Variants in NEDD4L observed in about 807,000 individuals in gnomAD.
NEDD4L encodes the protein NEDD4 like E3 ubiquitin protein ligase, also known as E3 ubiquitin-protein ligase NEDD4-like.
NEDD4L carries 54 observed loss-of-function variants against 148.9 expected under a neutral mutation model. The observed-to-expected ratio is 0.36, with a 90% CI of 0.29 to 0.45. NEDD4L has a LOEUF of 0.45. Ranked by LOEUF, NEDD4L falls within the 20% of genes least tolerant of loss-of-function variation. The pLI is 1.00. For missense variants in NEDD4L, 856 were observed against 1,233.8 expected, an observed-to-expected ratio of 0.69 and a Z score of 4.59; for synonymous variants, 433 against 440.7, an observed-to-expected ratio of 0.98 and a Z score of 0.22.
chr18:58,084,542 A>G (rs1230378883), intron 1 of NEDD4L, among the ~76,000 whole-genome samples: 4 of 152,098 alleles, frequency 2.6e-5, no homozygotes, highest in Non-Finnish European at 4.4e-5. Context: ...GTAACCATTT[A>G]TTTTCTCACA....
intron 30 of NEDD4L, among the ~76,000 whole-genome samples, chr18:58,395,148 A>G (rs2050321504): frequency 6.6e-6 from 1 of 152,200 alleles, no homozygotes; most frequent in Non-Finnish European, 1.5e-5. Flanking sequence ...TGAGCACTCC[A>G]TGAACATGAG....
chr18:58,260,938 T>C (rs1345494079), intron 5 of NEDD4L, among the ~76,000 whole-genome samples: 1 of 152,174 alleles, frequency 6.6e-6, no homozygotes, highest in Non-Finnish European at 1.5e-5. Context: ...GATAAAAATG[T>C]CCAGCTCGTA....
chr18:58,344,931 G>A (rs1462107155), intron 16 of NEDD4L, among the ~76,000 whole-genome samples: 2 of 152,156 alleles, frequency 1.3e-5, no homozygotes, highest in Non-Finnish European at 2.9e-5. Flanking sequence ...TAACTAGCTT[G>A]GTAATCAAAT....
chr18:58,247,039 A>G (rs1260725206), intron 3 of NEDD4L, among the ~76,000 whole-genome samples: 3 of 151,852 alleles, frequency 2.0e-5, no homozygotes, highest in Non-Finnish European at 4.4e-5. Context: ...AACCTGTCTC[A>G]AAAAAAACCC....
chr18:58,272,355 G>C (rs2051165053), intron 5 of NEDD4L, among the ~76,000 whole-genome samples: 1 of 152,050 alleles, frequency 6.6e-6, no homozygotes, highest in South Asian at 2.1e-4. Flanking sequence ...TAATCCAAAG[G>C]CCAGGCGTAG....
intron 1 of NEDD4L, among the ~76,000 whole-genome samples, chr18:58,111,788 A>G (rs1568231580): frequency 6.6e-6 from 1 of 152,200 alleles, no homozygotes; most frequent in Non-Finnish European, 1.5e-5. Context: ...ACCTCTATGT[A>G]GTACATTCTT....
chr18:58,322,288 G>T (rs986814213), intron 6 of NEDD4L, 137 bp from the exon 7 acceptor site: 1 of 690,366 alleles, frequency 1.4e-6, no homozygotes, highest in African/African-American at 1.8e-5. Flanking sequence ...TGGACTGTCA[G>T]GTACCAAGTG....
At chr18:58,354,435 A>G (rs1375977568) in intron 18 of NEDD4L, among the ~76,000 whole-genome samples, 7 of 151,898 alleles carry the variant, frequency 4.6e-5, no homozygotes, top group East Asian at 1.9e-4. Flanking sequence ...TTAAAAGCCA[A>G]AGTTCTTTAA....
At chr18:58,357,164 A>ATT (rs201044327) in intron 18 of NEDD4L, 30 bp from the exon 19 acceptor site, 545 of 1,420,442 alleles carry the variant, frequency 3.8e-4, no homozygotes, top group Non-Finnish European at 4.6e-4. Flanking sequence ...TAATGTTCTG[A>ATT]TTTTTTTTTT....
chr18:58,236,137 G>A (rs1291336540), intron 2 of NEDD4L, among the ~76,000 whole-genome samples: 7 of 152,030 alleles, frequency 4.6e-5, no homozygotes, highest in Admixed American at 1.3e-4. Flanking sequence ...CAGGAAGATC[G>A]CCTGAAGCTA....
intron 1 of NEDD4L, among the ~76,000 whole-genome samples, chr18:58,110,504 C>G (rs1355973379): frequency 1.3e-5 from 2 of 152,188 alleles, no homozygotes; most frequent in Non-Finnish European, 2.9e-5. Context: ...TTGAGCTAAG[C>G]TTTTGAAGCC....
intron 1 of NEDD4L, among the ~76,000 whole-genome samples, chr18:58,053,655 A>C (rs1186903887): frequency 6.6e-6 from 1 of 152,148 alleles, no homozygotes; most frequent in Non-Finnish European, 1.5e-5. Context: ...ACCTGACTCA[A>C]GGTTTAGCTC....
intron 2 of NEDD4L, chr18:58,195,539 G>A: frequency 7.5e-7 from 1 of 1,341,610 alleles, no homozygotes; most frequent in African/African-American, 1.5e-5. Flanking sequence ...AGCGGCTGCA[G>A]AGCCCTGTCC....
chr18:58,348,273 C>T (rs1219726034), intron 16 of NEDD4L, among the ~76,000 whole-genome samples: 1 of 150,614 alleles, frequency 6.6e-6, no homozygotes, highest in Non-Finnish European at 1.5e-5. Context: ...GCTGAGATTA[C>T]AAGTGTGAGC....
At chr18:58,085,744 A>G (rs761172672) in intron 1 of NEDD4L, among the ~76,000 whole-genome samples, 1 of 152,204 alleles carries the variant, frequency 6.6e-6, no homozygotes, top group Non-Finnish European at 1.5e-5. Context: ...TTCATAGCTC[A>G]CTTCCAAACT....
At chr18:58,301,766 A>G (rs913766860) in intron 5 of NEDD4L, among the ~76,000 whole-genome samples, 2 of 152,178 alleles carry the variant, frequency 1.3e-5, no homozygotes, top group Non-Finnish European at 2.9e-5. Flanking sequence ...AGTTCTAGCC[A>G]TTGAAATATC....
chr18:58,234,106 C>CT (rs1229897351), intron 2 of NEDD4L, among the ~76,000 whole-genome samples: 1 of 52,808 alleles, frequency 1.9e-5, no homozygotes, highest in African/African-American at 9.3e-5. Context: ...TCTTTCTTTT[C>CT]TTTTCTTTTC....
chr18:58,216,593 G>A (rs1374678419), intron 2 of NEDD4L, among the ~76,000 whole-genome samples: 1 of 152,182 alleles, frequency 6.6e-6, no homozygotes, highest in East Asian at 1.9e-4. Flanking sequence ...GACTGGATGT[G>A]TAAGAGAGAA....
rs555523519 is a variant in NEDD4L, at chr18:58,206,902, G to A, written c.123-38525G>A. Among the ~76,000 whole-genome samples, 57 of 152,296 alleles carry A rather than the reference G, an allele frequency of 3.7e-4. No homozygotes were observed. The South Asian group carries it at 0.012, about 32-fold the overall frequency. ...CATCGGCAGTTGGGGTACACCACTT[G>A]CTACAGTGTGATGGAATAAGGGACG... is the stretch of plus-strand genomic sequence containing the variant. On this transcript the variant is annotated intron_variant, in intron 2 of 30. Coordinates refer to ENST00000400345, the MANE Select transcript of NEDD4L (RefSeq NM_001144967.3).
Sources: allele counts gnomAD v4.1 joint callset (sites outside exome capture counted in the v4.1 genomes callset), GRCh38; gene constraint gnomAD v4.1.1; transcripts MANE v1.5; gene names NCBI Gene and HGNC (gene_info 2026-07-23, HGNC 2026-07-21).